Variants in ZNF398 observed in about 807,000 individuals in gnomAD.
ZNF398 encodes zinc finger protein 398.
In ZNF398, 18 loss-of-function variants were observed where a neutral mutation model predicts 41.9. The observed-to-expected ratio is 0.43, with a 90% CI of 0.30 to 0.64. The LOEUF (loss-of-function observed/expected upper bound fraction) is 0.64. Ranked by LOEUF, ZNF398 falls within the 30% of genes least tolerant of loss-of-function variation. ZNF398 has a pLI of 0.14. For synonymous variants in ZNF398, 260 were observed against 308.8 expected (o/e 0.84, Z 1.66); for missense variants, 669 against 822.8 (o/e 0.81, Z 2.29).
intron 3 of ZNF398, among the ~76,000 whole-genome samples, 187 bp from the exon 4 acceptor site, chr7:149,166,630 C>T (rs1795230877): frequency 6.6e-6 from 1 of 152,194 alleles, no homozygotes; most frequent in Non-Finnish European, 1.5e-5. Flanking sequence ...CACATTACAT[C>T]TCCACTGCCT....
chr7:149,171,926 T>A (rs1795351764), intron 4 of ZNF398, among the ~76,000 whole-genome samples: 1 of 152,148 alleles, frequency 6.6e-6, no homozygotes, highest in African/African-American at 2.4e-5. Flanking sequence ...GCCTTGGCCT[T>A]CCAAAGTGCT....
upstream of ZNF398, among the ~76,000 whole-genome samples, chr7:149,142,722 C>CT (rs1563155186): frequency 6.6e-6 from 1 of 152,164 alleles, no homozygotes; most frequent in African/African-American, 2.4e-5. Flanking sequence ...TCACGCTTAA[C>CT]TTTTTATGTT....
At chr7:149,144,508 C>G (rs1826891953), upstream of ZNF398, among the ~76,000 whole-genome samples, 1 of 152,106 alleles carries the variant, frequency 6.6e-6, no homozygotes, top group South Asian at 2.1e-4. Context: ...AGGGTCCCAC[C>G]AGGTTGCCCT....
At chr7:149,144,971 T>C (rs77162544), upstream of ZNF398, among the ~76,000 whole-genome samples, 115 of 152,306 alleles carry the variant, frequency 7.6e-4, no homozygotes, top group African/African-American at 2.5e-3. Context: ...TTTTTTGTAA[T>C]CTACTCATAT....
At chr7:149,152,784 C>G (rs770110004) in intron 1 of ZNF398, among the ~76,000 whole-genome samples, 3 of 151,506 alleles carry the variant, frequency 2.0e-5, no homozygotes, top group East Asian at 1.9e-4. Flanking sequence ...AGGCAGGTCT[C>G]GAACTCCCGA....
At chr7:149,164,962 C>A (rs557421975) in intron 2 of ZNF398, among the ~76,000 whole-genome samples, 2 of 151,660 alleles carry the variant, frequency 1.3e-5, no homozygotes. Flanking sequence ...TGTGTGGTGG[C>A]GGGTGCCCGT....
At position 149,130,312 on chromosome 7, in the gene ZNF398, T is replaced by C. The variant is rs547065755; in HGVS notation, c.-490+1368T>C. 7.2e-5 allele frequency among the ~76,000 whole-genome samples: 11 copies of C among 152,200 alleles called. No homozygotes were observed. In the East Asian group the frequency reaches 1.4e-3, roughly 19 times the overall value. ...GGTTTCACCATGTTGGCCAGGCTGG[T>C]TTCAAACTCCTAACCTCAAGTGATC... On this transcript the variant is annotated intron_variant, in intron 2 of 6. Coordinates refer to the ZNF398 transcript ENST00000426851.
At position 149,159,311 on chromosome 7, in the gene ZNF398, A is replaced by C. The variant is rs557114522; in HGVS notation, c.420+4971A>C. Among the ~76,000 whole-genome samples the C allele has an allele frequency of 1.3e-3, 205 of 152,146 alleles. 1 individual carries two copies. Among genetic ancestry groups the C allele is most frequent in the Middle Eastern group, 3.2e-3 (1 of 316 alleles). On this transcript the variant is annotated intron_variant, in intron 2 of 5. Transcript: ENST00000475153. ...AGTCAAAATGTATTAAAGATTTACT[A>C]AATTGAAATATGAGAAACTTTTGTG...
intron 2 of ZNF398, among the ~76,000 whole-genome samples, chr7:149,133,671 A>G (rs1268327150): frequency 6.2e-5 from 3 of 48,200 alleles, no homozygotes; most frequent in Non-Finnish European, 8.2e-5. Context: ...ATATATATAT[A>G]TATATATACA....
At chr7:149,144,712 C>T (rs538849032), upstream of ZNF398, among the ~76,000 whole-genome samples, 9 of 152,148 alleles carry the variant, frequency 5.9e-5, no homozygotes, top group Admixed American at 3.9e-4. Flanking sequence ...CCTCAGCCTC[C>T]TGAGTAGCTA....
At chr7:149,155,705 A>ATTTTTTTTTTTTTT (rs1563159463) in intron 2 of ZNF398, among the ~76,000 whole-genome samples, 2 of 66,706 alleles carry the variant, frequency 3.0e-5, no homozygotes, top group Non-Finnish European at 5.2e-5. Flanking sequence ...ATATATATAT[A>ATTTTTTTTTTTTTT]TATTTTTTTT....
At position 149,166,297 on chromosome 7, in the gene ZNF398, T is replaced by C; in HGVS notation, c.547+13T>C. On this transcript the variant is annotated intron_variant, in intron 3 of 5. Transcript: ENST00000475153. The stretch of plus-strand genomic sequence containing the variant: ...CTCATCTCCATGGGTGAGGCTGAGT[T>C]GACACCTTTTGAATGAAGTGACAGC... 1.9e-6 allele frequency: 3 copies of C among 1,602,126 alleles called. No individual in the cohort carries two copies. The highest frequency in any genetic ancestry group is 2.6e-6 in the Non-Finnish European group (3 of 1,175,450).
chr7:149,153,020 G>T (rs774326759), intron 1 of ZNF398, among the ~76,000 whole-genome samples: 1 of 151,684 alleles, frequency 6.6e-6, no homozygotes, highest in African/African-American at 2.4e-5. Flanking sequence ...ACCATCACCC[G>T]GCTAATTTTT....
At chr7:149,136,867 CTT>C (rs143502050) in intron 2 of ZNF398, among the ~76,000 whole-genome samples, 119 of 135,996 alleles carry the variant, frequency 8.8e-4, no homozygotes, top group African/African-American at 2.5e-3. Flanking sequence ...CGCGCTGGGC[CTT>C]TTTTTTTTTT....
chr7:149,179,208 C>A lies in ZNF398; in HGVS notation c.1336C>A (p.Arg446=), dbSNP rs1343349047. The A allele has an allele frequency of 1.9e-6, 3 of 1,613,596 alleles. No homozygotes were observed. Residue 446 remains arginine, a synonymous_variant, in exon 6 of 6, where the codon CGG becomes AGG. Coordinates refer to ENST00000475153, the MANE Select transcript of ZNF398 (RefSeq NM_170686.3). The surrounding 1 kb of genome is among the most constrained non-coding windows in gnomAD (Gnocchi z 6.1). ...FADQARLTSH[R]RAHASERPFR... The stretch of plus-strand genomic sequence containing the variant: ...TGACCAGGCTCGACTCACCAGCCAC[C>A]GGAGAGCTCATGCAAGCGAAAGGCC...
At chr7:149,134,669 T>G (rs760136549) in intron 2 of ZNF398, among the ~76,000 whole-genome samples, 1 of 152,042 alleles carries the variant, frequency 6.6e-6, no homozygotes, top group Non-Finnish European at 1.5e-5. Context: ...ACCTAATCAT[T>G]TATTATTTGT....
At chr7:149,145,942 C>CTTTT (rs34950278), upstream of ZNF398, among the ~76,000 whole-genome samples, 49,605 of 102,762 alleles carry the variant, frequency 0.48, 14,381 homozygotes, top group East Asian at 0.79. Context: ...CTCGCAGGTC[C>CTTTT]TTTTTTTTTT....
At chr7:149,157,357 A>C (rs1236201647) in intron 2 of ZNF398, among the ~76,000 whole-genome samples, 1 of 150,694 alleles carries the variant, frequency 6.6e-6, no homozygotes, top group Non-Finnish European at 1.5e-5. Flanking sequence ...ACACGGCGAA[A>C]CCCCGTCTCT....
chr7:149,166,886 A>C lies in ZNF398; in HGVS notation c.617A>C (p.Gln206Pro). Reference protein sequence around the residue: ...QPEGEHNTEDQAGPEESEIPT... With the variant: ...QPEGEHNTEDPAGPEESEIPT... ...GAAGGGGAACATAATACAGAGGACC[A>C]GGCAGGGCCAGAGGAAAGTGAGATT... Residue 206 changes from glutamine to proline, a missense_variant, in exon 4 of 6, where the codon CAG becomes CCG. Transcript: ENST00000475153. 1 of 1,613,176 alleles carries C rather than the reference A, an allele frequency of 6.2e-7. No homozygotes were observed. Among genetic ancestry groups the C allele is most frequent in the Non-Finnish European group, 8.5e-7 (1 of 1,179,338 alleles).
Sources: gnomAD v4.1 joint callset for allele counts (sites outside exome capture counted in the v4.1 genomes callset) on GRCh38, gnomAD v4.1.1 for gene constraint, Gnocchi (gnomAD v3.1) non-coding constraint, MANE v1.5 for transcripts, NCBI Gene and HGNC (gene_info 2026-07-23, HGNC 2026-07-21) for gene names.